ZNF37A: variants seen among roughly 807,000 people sequenced by gnomAD.
The protein encoded by ZNF37A is zinc finger protein 37a (KOX 21).
In ZNF37A, 10 loss-of-function variants were observed where a neutral mutation model predicts 12.3. The ratio of observed to expected loss-of-function variants is 0.82; its 90% CI spans 0.50 to 1.38. ZNF37A has a LOEUF of 1.38. ZNF37A is among the 40% of genes most tolerant of loss of function. The pLI, the probability that ZNF37A is intolerant of heterozygous loss-of-function variation, is 0.00. For missense variants in ZNF37A, 580 were observed against 651.2 expected (o/e 0.89, Z 1.19); for synonymous variants, 207 against 223.0 (o/e 0.93, Z 0.64).
chr10:38,147,911 T>C (rs1318634564), exon 8 of ZNF37A: 1 of 152,172 alleles, frequency 6.6e-6, no homozygotes, highest in Non-Finnish European at 1.5e-5. Flanking sequence ...GTCAAAAGAC[T>C]CTCCTTCAAA....
chr10:38,096,073 C>T (rs1297305572), intron 4 of ZNF37A, among the ~76,000 whole-genome samples: 4 of 151,992 alleles, frequency 2.6e-5, no homozygotes, highest in East Asian at 3.9e-4. Context: ...GTAGTCCCAG[C>T]GACTTGGGAG....
chr10:38,130,322 A>G (rs1428540799), downstream of ZNF37A, among the ~76,000 whole-genome samples: 1 of 152,200 alleles, frequency 6.6e-6, no homozygotes, highest in Non-Finnish European at 1.5e-5. Flanking sequence ...ATTGCGAATG[A>G]TGTGCCTGTG....
chr10:38,136,117 A>G (rs1439883029), intron 7 of ZNF37A, among the ~76,000 whole-genome samples: 3 of 152,180 alleles, frequency 2.0e-5, no homozygotes, highest in African/African-American at 7.2e-5. Context: ...TTCTGAATAT[A>G]AAATCATCAA....
At chr10:38,115,429 C>T in intron 7 of ZNF37A, 139 bp downstream of exon 7, 1 of 1,244,762 alleles carries the variant, frequency 8.0e-7, no homozygotes. Context: ...GTTGACGTGA[C>T]CCAAATATGC....
chr10:38,129,319 A>AC (rs1554785459), downstream of ZNF37A, among the ~76,000 whole-genome samples: 5 of 116,298 alleles, frequency 4.3e-5, 1 homozygote, highest in Admixed American at 1.6e-4. Flanking sequence ...AAAAAAAAAA[A>AC]AAACTATTAT....
chr10:38,116,519 A>G (rs2069281405), intron 7 of ZNF37A, among the ~76,000 whole-genome samples: 1 of 152,172 alleles, frequency 6.6e-6, no homozygotes, highest in Admixed American at 6.5e-5. Flanking sequence ...TGAGGGACAA[A>G]CAGCTGAACT....
chr10:38,099,646 G>T (rs192345198), intron 5 of ZNF37A, among the ~76,000 whole-genome samples: 40 of 152,244 alleles, frequency 2.6e-4, no homozygotes, highest in Non-Finnish European at 5.0e-4. Context: ...AAGTGGTATG[G>T]CTGGAATCTA....
rs1200833361 is a variant in ZNF37A, at chr10:38,119,985, G to A, written c.*1148G>A. 1.3e-5 allele frequency: 2 copies of A among 152,224 alleles called. No homozygotes were observed. The highest frequency in any genetic ancestry group is 4.8e-5 in the African/African-American group (2 of 41,448). 9.4% of individuals were successfully genotyped at this position (152,224 alleles called of 1,614,324 possible). Reference sequence around the variant, plus strand: ...CCAGATTTCTGGTGGTTTCTGCCCTGCAGATGTCTAACACATAAGCCAGGA... The same window carrying A: ...CCAGATTTCTGGTGGTTTCTGCCCTACAGATGTCTAACACATAAGCCAGGA... On this transcript the variant is annotated 3_prime_UTR_variant, in exon 8 of 8. Transcript: ENST00000685332.
intron 5 of ZNF37A, among the ~76,000 whole-genome samples, chr10:38,105,538 G>A (rs2504122): frequency 0.045 from 6,850 of 152,256 alleles, 226 homozygotes; most frequent in Middle Eastern, 0.071. Flanking sequence ...ATTATTAGCA[G>A]CACAGTATCT....
At chr10:38,103,292 G>T (rs1377677862) in intron 5 of ZNF37A, among the ~76,000 whole-genome samples, 1 of 151,956 alleles carries the variant, frequency 6.6e-6, no homozygotes, top group Non-Finnish European at 1.5e-5. Flanking sequence ...CTGATTCTTT[G>T]TTCTCTTTGA....
At chr10:38,126,141 C>A (rs2069922217), downstream of ZNF37A, among the ~76,000 whole-genome samples, 1 of 152,172 alleles carries the variant, frequency 6.6e-6, no homozygotes, top group African/African-American at 2.4e-5. Flanking sequence ...ATTGACCTCC[C>A]AGTCTTAAAG....
chr10:38,135,288 G>C (rs2070093158), intron 7 of ZNF37A, among the ~76,000 whole-genome samples: 1 of 152,232 alleles, frequency 6.6e-6, no homozygotes. Flanking sequence ...AGGAGGCTGA[G>C]GCAGGAGAAT....
chr10:38,101,823 C>CTTTTTTTTTTTTTTTTTT (rs3041908), intron 5 of ZNF37A, among the ~76,000 whole-genome samples: 1 of 133,164 alleles, frequency 7.5e-6, no homozygotes, highest in Admixed American at 7.7e-5. Context: ...TTTTATTTTT[C>CTTTTTTTTTTTTTTTTTT]TTTTTTTTTT....
At chr10:38,110,791 C>T (rs2068582557) in intron 5 of ZNF37A, among the ~76,000 whole-genome samples, 1 of 152,172 alleles carries the variant, frequency 6.6e-6, no homozygotes, top group African/African-American at 2.4e-5. Context: ...GATACTATCT[C>T]ATGCCAGTTA....
At chr10:38,110,920 G>A (rs11011452) in intron 5 of ZNF37A, among the ~76,000 whole-genome samples, 62,527 of 151,986 alleles carry the variant, frequency 0.41, 13,050 homozygotes, top group East Asian at 0.5. Flanking sequence ...GGAAGACAGT[G>A]TGGCGATTCC....
In ZNF37A at chr10:38,115,217, A is replaced by G. The variant is rs1306849652; in HGVS notation, c.165A>G (p.Glu55=). 2.5e-6 allele frequency: 4 copies of G among 1,613,708 alleles called. No individual in the cohort carries two copies. The African/African-American group carries it at 5.3e-5, about 22-fold the overall frequency. ...VSVGYCIPKP[E]VILKLEKGEE... is the part of the protein sequence containing the mutation. ...CAGGGTATTGCATTCCTAAACCAGA[A>G]GTGATTCTCAAGTTGGAGAAAGGCG... Residue 55 remains glutamate (E), a synonymous_variant, in exon 7 of 8, where the codon GAA becomes GAG. Coordinates refer to ENST00000685332, the MANE Select transcript of ZNF37A (RefSeq NM_001324250.3).
downstream of ZNF37A, among the ~76,000 whole-genome samples, chr10:38,128,934 A>G (rs1291123654): frequency 6.6e-6 from 1 of 151,988 alleles, no homozygotes; most frequent in Non-Finnish European, 1.5e-5. Context: ...TTGTATTTTT[A>G]GTAGAGATGG....
At chr10:38,139,811 T>C (rs2070158136) in intron 7 of ZNF37A, 1 of 152,226 alleles carries the variant, frequency 6.6e-6, no homozygotes, top group Non-Finnish European at 1.5e-5. Flanking sequence ...ATTCCATTGA[T>C]CTATTCATAT....
downstream of ZNF37A, among the ~76,000 whole-genome samples, chr10:38,128,018 G>C (rs958343769): frequency 6.6e-6 from 1 of 152,118 alleles, no homozygotes; most frequent in Non-Finnish European, 1.5e-5. Flanking sequence ...GTAATAGTTA[G>C]GGGATGTTTG....
Sources: gnomAD v4.1 joint callset for allele counts (sites outside exome capture counted in the v4.1 genomes callset) on GRCh38, gnomAD v4.1.1 for gene constraint, MANE v1.5 for transcripts, NCBI Gene and HGNC (gene_info 2026-07-23, HGNC 2026-07-21) for gene names.